The following TTC7A variants were observed in gnomAD, a reference collection of about 807,000 sequenced individuals.
TTC7A encodes the protein tetratricopeptide repeat protein 7A.
In TTC7A, 110 loss-of-function variants were observed where a neutral mutation model predicts 103.7. The observed-to-expected ratio is 1.06, with a 90% CI of 0.91 to 1.24. TTC7A has a LOEUF of 1.24. Ranked by LOEUF, TTC7A falls within the 50% of genes most tolerant of loss-of-function variation. TTC7A has a pLI of 0.00. For synonymous variants in TTC7A, 521 were observed against 467.9 expected (o/e 1.11, Z -1.47); for missense variants, 1,340 against 1,116.3 (o/e 1.20, Z -2.86).
intron 3 of TTC7A, among the ~76,000 whole-genome samples, chr2:46,974,277 G>T (rs1190917679): frequency 2.0e-5 from 3 of 152,292 alleles, no homozygotes; most frequent in East Asian, 3.8e-4. Flanking sequence ...TACTTGGCAT[G>T]AATGCCATGC....
intron 19 of TTC7A, 61 bp downstream of exon 19, chr2:47,061,032 G>T: frequency 1.3e-6 from 2 of 1,484,302 alleles, no homozygotes; most frequent in Non-Finnish European, 1.8e-6. Flanking sequence ...CCCTTATCCC[G>T]CTTTGTCCCT....
At chr2:47,034,298 C>T (rs1304740142) in intron 15 of TTC7A, 4 of 152,240 alleles carry the variant, frequency 2.6e-5, no homozygotes, top group Admixed American at 6.5e-5. Flanking sequence ...GGCAGCAGCT[C>T]CCTATCCAGG....
At chr2:46,944,900 A>G (rs559692414) in intron 1 of TTC7A, among the ~76,000 whole-genome samples, 15 of 152,192 alleles carry the variant, frequency 9.9e-5, no homozygotes, top group African/African-American at 3.4e-4. Flanking sequence ...CAAAAATCTA[A>G]CAATTACGTT....
chr2:46,917,834 C>A (rs543434014), intron 2 of TTC7A, among the ~76,000 whole-genome samples: 2 of 152,276 alleles, frequency 1.3e-5, no homozygotes, highest in African/African-American at 4.8e-5. Flanking sequence ...CTTAGAAACA[C>A]TTTCTTCTCT....
chr2:46,964,517 C>G (rs1265277401), intron 3 of TTC7A, among the ~76,000 whole-genome samples: 1 of 152,148 alleles, frequency 6.6e-6, no homozygotes, highest in Non-Finnish European at 1.5e-5. Flanking sequence ...GCCTGTTCCC[C>G]CTCAAATCAG....
chr2:47,023,360 A>G, intron 12 of TTC7A, 48 bp from the exon 13 acceptor site: 2 of 1,605,390 alleles, frequency 1.2e-6, no homozygotes, highest in African/African-American at 1.3e-5. Flanking sequence ...CTGGGCCGGC[A>G]CCCTTCAGTG....
At chr2:46,949,381 C>T (rs1040120574) in intron 1 of TTC7A, among the ~76,000 whole-genome samples, 1 of 152,082 alleles carries the variant, frequency 6.6e-6, no homozygotes, top group Non-Finnish European at 1.5e-5. Flanking sequence ...TACAGGTGCC[C>T]ATCATCATGC....
chr2:46,919,331 C>G (rs2103795653), intron 2 of TTC7A, among the ~76,000 whole-genome samples: 1 of 152,256 alleles, frequency 6.6e-6, no homozygotes, highest in East Asian at 1.9e-4. Flanking sequence ...GTCAGGAGTT[C>G]GAGACCAGCC....
At chr2:46,947,308 A>T (rs1264385905) in intron 1 of TTC7A, among the ~76,000 whole-genome samples, 1 of 152,178 alleles carries the variant, frequency 6.6e-6, no homozygotes, top group East Asian at 1.9e-4. Context: ...ATGATGCTAT[A>T]TAAAAAAGTG....
intron 15 of TTC7A, among the ~76,000 whole-genome samples, chr2:47,032,581 C>T (rs796927870): frequency 4.6e-5 from 7 of 152,220 alleles, no homozygotes; most frequent in African/African-American, 1.4e-4. Flanking sequence ...CAACCTGTCA[C>T]TCACCGTAGA....
At chr2:47,069,654 G>GCCTC (rs1342529151) in intron 19 of TTC7A, among the ~76,000 whole-genome samples, 7 of 152,198 alleles carry the variant, frequency 4.6e-5, no homozygotes, top group Admixed American at 2.6e-4. Context: ...CTGGAGAGGC[G>GCCTC]CCTCCCTCCC....
At chr2:46,992,336 T>G (rs1201731637) in intron 5 of TTC7A, among the ~76,000 whole-genome samples, 1 of 152,180 alleles carries the variant, frequency 6.6e-6, no homozygotes, top group Non-Finnish European at 1.5e-5. Context: ...GTGGTTTTAC[T>G]TGCTTCAGAA....
At chr2:47,044,571 G>A (rs1682105187) in intron 15 of TTC7A, among the ~76,000 whole-genome samples, 2 of 152,168 alleles carry the variant, frequency 1.3e-5, no homozygotes, top group South Asian at 2.1e-4. Context: ...CAAGCCAGGT[G>A]GTCGTTAGTT....
chr2:47,009,344 C>A (rs145040908), intron 10 of TTC7A, among the ~76,000 whole-genome samples: 1 of 152,112 alleles, frequency 6.6e-6, no homozygotes, highest in Non-Finnish European at 1.5e-5. Context: ...TTTTTTGTCT[C>A]TCCCACCCTT....
intron 18 of TTC7A, among the ~76,000 whole-genome samples, chr2:47,055,814 G>A (rs1300592174): frequency 1.3e-5 from 2 of 152,118 alleles, no homozygotes; most frequent in South Asian, 2.1e-4. Context: ...GGGCAGACTT[G>A]GGGGGCTGGG....
At chr2:46,979,198 G>A (rs964855450) in intron 5 of TTC7A, among the ~76,000 whole-genome samples, 3 of 152,132 alleles carry the variant, frequency 2.0e-5, no homozygotes, top group African/African-American at 7.2e-5. Flanking sequence ...GAGGGTGGAG[G>A]GCATCTGGGA....
At chr2:47,046,476 C>T (rs1395433987) in intron 16 of TTC7A, 45 bp downstream of exon 16, 1 of 1,515,118 alleles carries the variant, frequency 6.6e-7, no homozygotes, top group Admixed American at 1.7e-5. Flanking sequence ...GGGTGGTTGC[C>T]AGGGCAACAA....
intron 4 of TTC7A, among the ~76,000 whole-genome samples, chr2:46,977,593 T>C (rs1674003999): frequency 6.6e-6 from 1 of 152,182 alleles, no homozygotes. Context: ...AGAGGGACAG[T>C]ACGGTGCCTG....
chr2:47,045,277 C>T (rs1450246709), intron 15 of TTC7A, among the ~76,000 whole-genome samples: 1 of 152,196 alleles, frequency 6.6e-6, no homozygotes, highest in African/African-American at 2.4e-5. Flanking sequence ...CCTCCAGAAC[C>T]CCCAGACCTC....
Sources: gnomAD v4.1 joint callset for allele counts (sites outside exome capture counted in the v4.1 genomes callset) on GRCh38, gnomAD v4.1.1 for gene constraint, MANE v1.5 for transcripts, NCBI Gene and HGNC (gene_info 2026-07-23, HGNC 2026-07-21) for gene names.